The following CSMD1 variants were observed in gnomAD, a reference collection of about 807,000 sequenced individuals.
CSMD1 encodes the protein CUB and sushi domain-containing protein 1.
A neutral mutation model predicts 417.5 loss-of-function variants in CSMD1; 213 were observed. The observed-to-expected ratio is 0.51, with a 90% confidence interval of 0.46 to 0.57. The LOEUF (loss-of-function observed/expected upper bound fraction) is 0.57, where lower values mean the gene tolerates loss of function less well. Among genes scored for constraint, CSMD1 ranks in the 20% least tolerant of loss-of-function variants. CSMD1 has a pLI of 0.00. For missense variants in CSMD1, 6,923 were observed against 4,529.7 expected (o/e 1.53, Z -15.17); for synonymous variants, 2,862 against 1,736.8 (o/e 1.65, Z -16.11).
At chr8:3,536,310 T>C (rs1041660462) in intron 10 of CSMD1, among the ~76,000 whole-genome samples, 1 of 152,202 alleles carries the variant, frequency 6.6e-6, no homozygotes, top group African/African-American at 2.4e-5. Flanking sequence ...TTTTACAACA[T>C]ATTTAAAATG....
intron 5 of CSMD1, among the ~76,000 whole-genome samples, chr8:3,958,477 T>C (rs1812119880): frequency 6.6e-6 from 1 of 152,188 alleles, no homozygotes; most frequent in Admixed American, 6.5e-5. Context: ...GAATTATAAT[T>C]GAAATTGTTC....
intron 2 of CSMD1, among the ~76,000 whole-genome samples, chr8:4,420,594 A>C (rs1464263378): frequency 2.0e-5 from 3 of 152,138 alleles, no homozygotes; most frequent in Non-Finnish European, 4.4e-5. Context: ...ACATTTGTGC[A>C]CTCAAACATG....
At chr8:3,323,766 T>C (rs72507673) in intron 23 of CSMD1, among the ~76,000 whole-genome samples, 1 of 135,344 alleles carries the variant, frequency 7.4e-6, no homozygotes, top group Non-Finnish European at 1.6e-5. Flanking sequence ...CCTTTCATCA[T>C]TGTTAAAATA....
At chr8:3,331,704 GC>G (rs1219413802) in intron 23 of CSMD1, among the ~76,000 whole-genome samples, 13 of 152,158 alleles carry the variant, frequency 8.5e-5, no homozygotes, top group Non-Finnish European at 1.6e-4. Context: ...GACACAGCTG[GC>G]GGTTTCTCTT....
At chr8:3,561,144 C>G (rs4875735) in intron 10 of CSMD1, among the ~76,000 whole-genome samples, 3 of 152,102 alleles carry the variant, frequency 2.0e-5, no homozygotes, top group Non-Finnish European at 4.4e-5. Flanking sequence ...CAAACAATAA[C>G]AAATGTTGGC....
At chr8:4,748,199 C>G (rs1485351600) in intron 1 of CSMD1, among the ~76,000 whole-genome samples, 1 of 152,176 alleles carries the variant, frequency 6.6e-6, no homozygotes, top group African/African-American at 2.4e-5. Context: ...ACATCATGCT[C>G]AAATTCCTTT....
At chr8:3,531,645 A>G (rs1797984843) in intron 10 of CSMD1, among the ~76,000 whole-genome samples, 1 of 152,224 alleles carries the variant, frequency 6.6e-6, no homozygotes, top group Non-Finnish European at 1.5e-5. Flanking sequence ...GGTGCAATAC[A>G]GGAAGTAGAA....
intron 1 of CSMD1, among the ~76,000 whole-genome samples, chr8:4,937,975 T>C (rs1807736259): frequency 6.6e-6 from 1 of 152,186 alleles, no homozygotes; most frequent in South Asian, 2.1e-4. Flanking sequence ...TCAACAGTAG[T>C]TTTATTGGCC....
At chr8:2,951,948 G>C (rs1046686192) in intron 65 of CSMD1, among the ~76,000 whole-genome samples, 2 of 152,142 alleles carry the variant, frequency 1.3e-5, no homozygotes, top group Non-Finnish European at 2.9e-5. Context: ...TTTAAATTCA[G>C]TAATGAAAGG....
At chr8:4,580,338 T>A (rs966843598) in intron 2 of CSMD1, among the ~76,000 whole-genome samples, 2 of 152,182 alleles carry the variant, frequency 1.3e-5, no homozygotes, top group African/African-American at 4.8e-5. Context: ...ATGAGCCCTG[T>A]ATCATATATC....
chr8:3,018,499 G>A lies in CSMD1; in HGVS notation c.8007C>T (p.Ser2669=), dbSNP rs767315295. The part of the protein sequence containing the change: ...VRECLANGLW[S]GSETRCLAGH... Reference sequence around the variant, plus strand: ...TACCCAGACATCGAGTTTCGCTGCCGCTCCAGAGCCCATTTGCCAAGCACT... The same window carrying A: ...TACCCAGACATCGAGTTTCGCTGCCACTCCAGAGCCCATTTGCCAAGCACT... The change falls in exon 52 of 70, where the codon AGC becomes AGT. Residue 2669 remains serine (S), a synonymous_variant. Transcript: ENST00000635120. 9 of 1,612,028 alleles carry A rather than the reference G, an allele frequency of 5.6e-6. No homozygotes were observed. Among genetic ancestry groups the A allele is most frequent in the East Asian group, 2.2e-5 (1 of 44,820 alleles).
At chr8:4,401,757 C>T (rs1804659988) in intron 3 of CSMD1, among the ~76,000 whole-genome samples, 2 of 152,152 alleles carry the variant, frequency 1.3e-5, no homozygotes, top group South Asian at 4.1e-4. Flanking sequence ...CGTCCCCTCT[C>T]TTGAACATAG....
intron 5 of CSMD1, among the ~76,000 whole-genome samples, chr8:3,940,190 T>C (rs1054739550): frequency 2.1e-4 from 32 of 152,034 alleles, no homozygotes; most frequent in Admixed American, 1.8e-3. Flanking sequence ...ATCTCATGCT[T>C]ATTATTTTTG....
At chr8:3,885,865 C>T (rs1005923872) in intron 5 of CSMD1, among the ~76,000 whole-genome samples, 1 of 152,054 alleles carries the variant, frequency 6.6e-6, no homozygotes, top group Non-Finnish European at 1.5e-5. Flanking sequence ...AAACAATTTG[C>T]TCTTTTGCTA....
intron 2 of CSMD1, among the ~76,000 whole-genome samples, chr8:4,479,711 T>G (rs1392734335): frequency 6.6e-6 from 1 of 152,052 alleles, no homozygotes; most frequent in African/African-American, 2.4e-5. Context: ...CTGGCCAACA[T>G]GGTGAAACCC....
chr8:4,767,764 C>T (rs558695193), intron 1 of CSMD1, among the ~76,000 whole-genome samples: 1 of 152,104 alleles, frequency 6.6e-6, no homozygotes, highest in African/African-American at 2.4e-5. Context: ...ATCCTTTGTG[C>T]AATTATTTGC....
intron 10 of CSMD1, among the ~76,000 whole-genome samples, chr8:3,523,608 T>C (rs1356289719): frequency 2.0e-5 from 3 of 150,432 alleles, no homozygotes; most frequent in African/African-American, 4.9e-5. Context: ...CATGTGCATG[T>C]ACACACACAC....
At chr8:2,972,457 C>T (rs913767651) in intron 57 of CSMD1, among the ~76,000 whole-genome samples, 53 of 152,118 alleles carry the variant, frequency 3.5e-4, no homozygotes, top group African/African-American at 1.3e-3. Context: ...AATTCTAAAT[C>T]GGGTTTTGAA....
Position 4,031,917 on chromosome 8 carries a change from G to T in CSMD1, c.598C>A (p.Pro200Thr), listed in dbSNP as rs750457523. The change falls in exon 4 of 70, where the codon CCC (proline) becomes ACC (threonine). Residue 200 changes from proline to threonine, a missense_variant. By Grantham distance (38) the Pro-to-Thr change is conservative. Coordinates refer to ENST00000635120, the MANE Select transcript of CSMD1 (RefSeq NM_033225.6). ...GNGASWDFPAPFCRAEGACGG... is the reference protein window; with the variant it reads ...GNGASWDFPATFCRAEGACGG... ...TGTAGCACTGTACCTCTGCAAAAGG[G>T]AGCTGGGAAGTCCCACGATGCACCA... 8 of 1,613,400 alleles carry T rather than the reference G, an allele frequency of 5.0e-6. No individual in the cohort carries two copies. The South Asian group carries it at 5.5e-5, about 11-fold the overall frequency.
Sources: gnomAD v4.1 joint callset for allele counts (sites outside exome capture counted in the v4.1 genomes callset) on GRCh38, gnomAD v4.1.1 for gene constraint, MANE v1.5 for transcripts, NCBI Gene and HGNC (gene_info 2026-07-23, HGNC 2026-07-21) for gene names.